The following TRPC6 variants were observed in gnomAD, a reference collection of about 807,000 sequenced individuals.
TRPC6 encodes transient receptor potential cation channel subfamily C member 6.
Under a neutral mutation model 90.7 loss-of-function variants are expected in TRPC6, and 55 were observed. The observed-to-expected ratio is 0.61, with a 90% CI of 0.49 to 0.76. The LOEUF (loss-of-function observed/expected upper bound fraction) is 0.76. Ranked by LOEUF, TRPC6 falls within the 30% of genes least tolerant of loss-of-function variation. TRPC6 has a pLI of 0.00. For synonymous variants in TRPC6, 393 were observed against 393.0 expected (o/e 1.00, Z 0.00); for missense variants, 989 against 1,122.7 (o/e 0.88, Z 1.70).
chr11:101,483,181 C>A lies in TRPC6; in HGVS notation c.1294-16G>T, dbSNP rs199976424. On this transcript the variant is annotated splice_polypyrimidine_tract_variant and intron_variant, in intron 4 of 12. Transcript: ENST00000344327. ...TCTTCCCCATCTGCCACAACACACA[C>A]CAAAATAAAATCTTAACTTTGTTTT... The A allele has an allele frequency of 1.2e-6, 2 of 1,613,586 alleles. No individual in the cohort carries two copies. The highest frequency in any genetic ancestry group is 1.7e-6 in the Non-Finnish European group (2 of 1,179,726).
chr11:101,572,139 T>C (rs557757104), intron 1 of TRPC6, among the ~76,000 whole-genome samples: 1 of 152,082 alleles, frequency 6.6e-6, no homozygotes, highest in African/African-American at 2.4e-5. Flanking sequence ...AGGGCTAATA[T>C]CCAGACTCTA....
chr11:101,502,459 G>C (rs1042230044), intron 2 of TRPC6, among the ~76,000 whole-genome samples: 2 of 152,168 alleles, frequency 1.3e-5, no homozygotes, highest in Admixed American at 1.3e-4. Context: ...ATGTAGGCCA[G>C]TGAATTAATG....
intron 1 of TRPC6, among the ~76,000 whole-genome samples, chr11:101,544,738 G>A (rs551525264): frequency 8.5e-5 from 13 of 152,146 alleles, no homozygotes; most frequent in African/African-American, 1.2e-4. Flanking sequence ...TGGGGGTGGC[G>A]GGCTAGGGGA....
intron 1 of TRPC6, among the ~76,000 whole-genome samples, chr11:101,545,288 T>C (rs1861276186): frequency 6.6e-6 from 1 of 152,166 alleles, no homozygotes; most frequent in Non-Finnish European, 1.5e-5. Flanking sequence ...TTACATCGTA[T>C]TAGGTTTTGT....
chr11:101,581,362 A>C (rs1050866160), intron 1 of TRPC6, among the ~76,000 whole-genome samples: 8 of 152,240 alleles, frequency 5.3e-5, no homozygotes, highest in Non-Finnish European at 7.3e-5. Context: ...TGAAGAAAGC[A>C]CTGGGAAGAG....
intron 4 of TRPC6, among the ~76,000 whole-genome samples, chr11:101,487,902 T>C (rs1458381328): frequency 6.6e-6 from 1 of 152,156 alleles, no homozygotes; most frequent in Non-Finnish European, 1.5e-5. Context: ...CTAGCATGAG[T>C]CATTTTGAAC....
chr11:101,525,591 G>C (rs1768418141), intron 1 of TRPC6, among the ~76,000 whole-genome samples: 1 of 152,176 alleles, frequency 6.6e-6, no homozygotes, highest in African/African-American at 2.4e-5. Context: ...CTAGAACTTG[G>C]GAGTGCATGA....
At chr11:101,489,656 T>A (rs1234395413) in intron 3 of TRPC6, among the ~76,000 whole-genome samples, 1 of 151,934 alleles carries the variant, frequency 6.6e-6, no homozygotes, top group Admixed American at 6.6e-5. Context: ...TTTGAGGGAA[T>A]CTTTAAGTTT....
intron 4 of TRPC6, among the ~76,000 whole-genome samples, chr11:101,488,652 A>G (rs1292476985): frequency 1.3e-5 from 2 of 152,224 alleles, no homozygotes; most frequent in Non-Finnish European, 2.9e-5. Flanking sequence ...GGAAATTAAT[A>G]TAGTTACTGA....
intron 1 of TRPC6, among the ~76,000 whole-genome samples, chr11:101,549,830 T>C (rs1591129302): frequency 6.6e-6 from 1 of 151,104 alleles, no homozygotes; most frequent in East Asian, 1.9e-4. Flanking sequence ...ATACAATTTT[T>C]AAAATATAAT....
chr11:101,583,309 T>C lies in TRPC6; in HGVS notation c.170+25A>G, dbSNP rs762324540. On this transcript the variant is annotated intron_variant, in intron 1 of 12. Transcript: ENST00000344327. ...CTCCCTCCGCGCAGCCCGCGCCCGA[T>C]CCGCCCCGCGTCGCCGGCACTCACA... 7 of 1,560,620 alleles carry C rather than the reference T, an allele frequency of 4.5e-6. No homozygotes were observed. In the African/African-American group the frequency reaches 6.8e-5, roughly 15 times the overall value.
chr11:101,519,554 G>A (rs1050933119), intron 1 of TRPC6, among the ~76,000 whole-genome samples: 11 of 151,922 alleles, frequency 7.2e-5, no homozygotes, highest in African/African-American at 2.7e-4. Context: ...TCCAATATCT[G>A]CTTCACCCAT....
intron 1 of TRPC6, among the ~76,000 whole-genome samples, chr11:101,533,455 C>A (rs912345975): frequency 1.3e-5 from 2 of 152,130 alleles, no homozygotes; most frequent in African/African-American, 4.8e-5. Flanking sequence ...AAGACAGTGC[C>A]AAGCCATGAG....
At chr11:101,501,572 T>G (rs1002032216) in intron 2 of TRPC6, among the ~76,000 whole-genome samples, 9 of 151,958 alleles carry the variant, frequency 5.9e-5, no homozygotes, top group Non-Finnish European at 1.0e-4. Flanking sequence ...CCATGGGTGG[T>G]GGGGGAATGT....
chr11:101,556,176 C>T (rs1276945017), intron 1 of TRPC6, among the ~76,000 whole-genome samples: 1 of 152,006 alleles, frequency 6.6e-6, no homozygotes, highest in Non-Finnish European at 1.5e-5. Flanking sequence ...AAAAAATAAA[C>T]TAAGCCCATA....
chr11:101,501,579 A>G (rs1398976752), intron 2 of TRPC6, among the ~76,000 whole-genome samples: 2 of 152,050 alleles, frequency 1.3e-5, no homozygotes, highest in African/African-American at 4.8e-5. Flanking sequence ...TGGTGGGGGA[A>G]TGTTATTTCC....
chr11:101,500,639 A>C (rs1454573851), intron 2 of TRPC6, among the ~76,000 whole-genome samples: 1 of 146,068 alleles, frequency 6.8e-6, no homozygotes, highest in African/African-American at 2.6e-5. Context: ...GAAATGAAAC[A>C]AATTCTAAAA....
At position 101,583,685 on chromosome 11, in the gene TRPC6, C is replaced by T; in HGVS notation, c.-182G>A. ...CGCCGCAAGTGGCTCGCCCACTGGC[C>T]CGGGGAAAAGTCACCACTTAAGGGG... On this transcript the variant is annotated 5_prime_UTR_variant, in exon 1 of 13. Transcript: ENST00000344327. 5.0e-6 allele frequency: 3 copies of T among 594,098 alleles called. No individual in the cohort carries two copies. Among genetic ancestry groups the T allele is most frequent in the Non-Finnish European group, 5.3e-6 (2 of 375,000 alleles). The allele number at this position is 594,098 out of a possible 1,614,324, so 36.8% of individuals were successfully genotyped here. A position where few individuals can be genotyped will look rare whatever the true frequency, so the allele number is the denominator to read the frequency against.
intron 5 of TRPC6, among the ~76,000 whole-genome samples, chr11:101,477,437 T>G (rs1361694141): frequency 6.6e-6 from 1 of 152,150 alleles, no homozygotes; most frequent in Non-Finnish European, 1.5e-5. Context: ...GTAAAAATGT[T>G]TAAAATGTTA....
Sources: gnomAD v4.1 joint callset for allele counts (sites outside exome capture counted in the v4.1 genomes callset) on GRCh38, gnomAD v4.1.1 for gene constraint, MANE v1.5 for transcripts, NCBI Gene and HGNC (gene_info 2026-07-23, HGNC 2026-07-21) for gene names.